Variants in DDR2 observed in about 807,000 individuals in gnomAD.
The protein encoded by DDR2 is discoidin domain-containing receptor 2.
In DDR2, 27 loss-of-function variants were observed where a neutral mutation model predicts 94.9. The ratio of observed to expected loss-of-function variants is 0.28; its 90% CI spans 0.21 to 0.39. DDR2 has a LOEUF of 0.39. Among genes scored for constraint, DDR2 ranks in the 10% least tolerant of loss-of-function variants. The pLI is 1.00. For synonymous variants in DDR2, 382 were observed against 377.2 expected, an observed-to-expected ratio of 1.01 and a Z score of -0.15; for missense variants, 783 against 1,076.0, an observed-to-expected ratio of 0.73 and a Z score of 3.81.
In DDR2 at chr1:162,753,119, T is replaced by C. The variant is rs1340581548; in HGVS notation, c.107T>C (p.Met36Thr). 6.2e-7 allele frequency: 1 copy of C among 1,613,572 alleles called. No homozygotes were observed. The highest frequency in any genetic ancestry group is 8.5e-7 in the Non-Finnish European group (1 of 1,179,728). ...GCTATATGCCGCTATCCTCTGGGCA[T>C]GTCAGGAGGCCAGATTCCAGATGAG... ...NPAICRYPLGMSGGQIPDEDI... is the reference protein window; with the variant it reads ...NPAICRYPLGTSGGQIPDEDI... The change falls in exon 4 of 18, where the codon ATG (methionine) becomes ACG (threonine). Residue 36 changes from methionine to threonine, a missense_variant. Met to Thr is a moderately conservative substitution (Grantham distance 81). This residue lies in a region of DDR2 where 519 missense variants were observed against 647.9 expected (regional missense o/e 0.80). Transcript: ENST00000367921.
intron 2 of DDR2, among the ~76,000 whole-genome samples, chr1:162,674,851 T>C (rs368520940): frequency 2.0e-5 from 3 of 152,214 alleles, no homozygotes; most frequent in Middle Eastern, 3.4e-3. Flanking sequence ...TTTTCATGAT[T>C]TGGATAAGAA....
At chr1:162,774,465 C>A (rs1278886514) in intron 14 of DDR2, among the ~76,000 whole-genome samples, 1 of 152,002 alleles carries the variant, frequency 6.6e-6, no homozygotes, top group Admixed American at 6.6e-5. Flanking sequence ...TTGCAATGGA[C>A]AAGATGTAAG....
chr1:162,764,544 A>T lies in DDR2; in HGVS notation c.1100-1457A>T, dbSNP rs77084329. Among the ~76,000 whole-genome samples the T allele has an allele frequency of 5.2e-3, 786 of 152,274 alleles. 7 individuals are homozygous for T. Among genetic ancestry groups the T allele is most frequent in the African/African-American group, 0.018 (762 of 41,552 alleles). On this transcript the variant is annotated intron_variant, in intron 9 of 17. Coordinates refer to ENST00000367921, the MANE Select transcript of DDR2 (RefSeq NM_006182.4). Reference sequence around the variant, plus strand: ...GAAAAGTCCAGGTGTAAAATAACATAAAAGAGAGGAAGAGACTAATTTAAA... The same window carrying T: ...GAAAAGTCCAGGTGTAAAATAACATTAAAGAGAGGAAGAGACTAATTTAAA...
intron 12 of DDR2, chr1:162,770,742 G>C (rs756955235): frequency 1.4e-5 from 9 of 642,076 alleles, no homozygotes; most frequent in Admixed American, 2.4e-5. Flanking sequence ...TACCAGAAAA[G>C]AAAGAAAAAA....
intron 1 of DDR2, among the ~76,000 whole-genome samples, chr1:162,637,936 A>G (rs1320520096): frequency 2.0e-5 from 3 of 152,220 alleles, no homozygotes; most frequent in Non-Finnish European, 4.4e-5. Flanking sequence ...GATAAAGGAG[A>G]CATTGGTATA....
intron 8 of DDR2, 21 bp from the exon 9 acceptor site, chr1:162,761,190 A>G (rs758451885): frequency 6.2e-7 from 1 of 1,613,856 alleles, no homozygotes; most frequent in African/African-American, 1.3e-5. Flanking sequence ...CCTATCACTC[A>G]CATGCCTCTT....
intron 3 of DDR2, among the ~76,000 whole-genome samples, chr1:162,739,181 A>G (rs1418639709): frequency 7.3e-6 from 1 of 136,896 alleles, no homozygotes; most frequent in Non-Finnish European, 1.6e-5. Context: ...AACCTACAAC[A>G]TGGGAGAAAA....
At chr1:162,704,019 T>A (rs1363749319) in intron 2 of DDR2, among the ~76,000 whole-genome samples, 2 of 152,174 alleles carry the variant, frequency 1.3e-5, no homozygotes, top group Non-Finnish European at 2.9e-5. Flanking sequence ...TTCATTTGAC[T>A]TTAGACCTTC....
At chr1:162,741,427 G>A (rs983145513) in intron 3 of DDR2, among the ~76,000 whole-genome samples, 7 of 151,418 alleles carry the variant, frequency 4.6e-5, no homozygotes, top group Non-Finnish European at 1.0e-4. Flanking sequence ...TCAGATTTTG[G>A]ATTTTAGATT....
chr1:162,657,254 A>G (rs956800861), intron 2 of DDR2, among the ~76,000 whole-genome samples: 1 of 152,058 alleles, frequency 6.6e-6, no homozygotes, highest in Non-Finnish European at 1.5e-5. Context: ...CCCCACTGTC[A>G]TATTATCCCT....
chr1:162,668,802 C>T (rs939371361), intron 2 of DDR2, among the ~76,000 whole-genome samples: 8 of 152,130 alleles, frequency 5.3e-5, no homozygotes, highest in Non-Finnish European at 1.0e-4. Context: ...AACCTTAACT[C>T]TTTGGTTCCT....
At chr1:162,776,446 C>A in intron 16 of DDR2, 76 bp downstream of exon 16, 1 of 1,422,788 alleles carries the variant, frequency 7.0e-7, no homozygotes. Context: ...GGAGACAAAC[C>A]TGAGACAGCA....
At chr1:162,758,133 G>A (rs1347334386) in intron 7 of DDR2, among the ~76,000 whole-genome samples, 3 of 152,042 alleles carry the variant, frequency 2.0e-5, no homozygotes, top group Non-Finnish European at 2.9e-5. Flanking sequence ...AGAGAAATAA[G>A]GAAGGTAGCC....
chr1:162,729,303 T>G (rs867060948), intron 3 of DDR2, among the ~76,000 whole-genome samples: 2 of 73,430 alleles, frequency 2.7e-5, no homozygotes, highest in African/African-American at 5.3e-5. Context: ...TATATATATT[T>G]TTTTTTTTTT....
At chr1:162,713,919 TC>T in intron 2 of DDR2, among the ~76,000 whole-genome samples, 1 of 152,174 alleles carries the variant, frequency 6.6e-6, no homozygotes, top group East Asian at 1.9e-4. Flanking sequence ...AATTTATATA[TC>T]CAGCAGCAGA....
intron 2 of DDR2, among the ~76,000 whole-genome samples, chr1:162,679,228 G>T (rs767769696): frequency 6.6e-6 from 1 of 151,908 alleles, no homozygotes; most frequent in African/African-American, 2.4e-5. Flanking sequence ...CCCAGAGTCT[G>T]TTGTTCCACT....
chr1:162,740,544 G>T lies in DDR2; in HGVS notation c.83-12551G>T, dbSNP rs74116793. On this transcript the variant is annotated intron_variant, in intron 3 of 17. Transcript: ENST00000367921. Reference sequence around the variant, plus strand: ...CTTCCTTCACTCAGGTCTCTGCTCCGAGTCACCTTATCTAAGAAGCCTACC... The same window carrying T: ...CTTCCTTCACTCAGGTCTCTGCTCCTAGTCACCTTATCTAAGAAGCCTACC... Among the ~76,000 whole-genome samples the T allele has an allele frequency of 2.1e-3, 318 of 152,196 alleles. 2 individuals are homozygous for T. The highest frequency in any genetic ancestry group is 7.4e-3 in the African/African-American group (309 of 41,532).
chr1:162,646,628 C>T (rs937819600), intron 1 of DDR2, among the ~76,000 whole-genome samples: 2 of 152,210 alleles, frequency 1.3e-5, no homozygotes. Flanking sequence ...CTCCATTTCA[C>T]ATTGTGAAAA....
chr1:162,764,392 TAAAAAA>T (rs375251287), intron 9 of DDR2, among the ~76,000 whole-genome samples: 4 of 122,594 alleles, frequency 3.3e-5, no homozygotes, highest in Admixed American at 2.5e-4. Context: ...CAGAATGCTT[TAAAAAA>T]AAAAAAAAAA....
Sources: gnomAD v4.1 joint callset for allele counts (sites outside exome capture counted in the v4.1 genomes callset) on GRCh38, gnomAD v4.1.1 for gene constraint, gnomAD v4.1.1 regional missense constraint, MANE v1.5 for transcripts, NCBI Gene and HGNC (gene_info 2026-07-23, HGNC 2026-07-21) for gene names.